Variants in LRRFIP1 observed in about 807,000 individuals in gnomAD.
LRRFIP1 encodes LRR binding FLII interacting protein 1.
In LRRFIP1, 62 loss-of-function variants were observed where a neutral mutation model predicts 104.4. That is an observed-to-expected ratio of 0.59 (90% CI 0.48 to 0.73). The LOEUF is 0.73. LRRFIP1 is among the 30% of genes least tolerant of loss of function. The pLI is 0.00. For missense variants in LRRFIP1, 796 were observed against 824.5 expected (o/e 0.97, Z 0.42); for synonymous variants, 300 against 299.0 (o/e 1.00, Z -0.03).
At chr2:237,701,903 A>T (rs1371678572) in intron 1 of LRRFIP1, among the ~76,000 whole-genome samples, 1 of 152,158 alleles carries the variant, frequency 6.6e-6, no homozygotes, top group Non-Finnish European at 1.5e-5. Context: ...GGCTCCCGAG[A>T]TGTCACGCAT....
At chr2:237,707,159 G>C (rs1027614694) in intron 1 of LRRFIP1, among the ~76,000 whole-genome samples, 2 of 152,064 alleles carry the variant, frequency 1.3e-5, no homozygotes, top group African/African-American at 4.8e-5. Flanking sequence ...GATTAAAACT[G>C]AGAAAGAAGG....
chr2:237,735,413 G>C lies in LRRFIP1; in HGVS notation c.555+80G>C, dbSNP rs1035700517. The C allele has an allele frequency of 1.5e-6, 2 of 1,354,616 alleles. No individual in the cohort carries two copies. Among genetic ancestry groups the C allele is most frequent in the South Asian group, 1.3e-5 (1 of 74,926 alleles). 83.9% of individuals were successfully genotyped at this position (1,354,616 alleles called of 1,614,324 possible). A position where few individuals can be genotyped will look rare whatever the true frequency, so the allele number is the denominator to read the frequency against. ...GATGCTCGCTGGGCAGGGTCCAGCC[G>C]TGGGGGGTGACTGGCCATTCTCAGG... On this transcript the variant is annotated intron_variant, in intron 10 of 23. Transcript: ENST00000308482. This position sits in a 1 kb window ranked among gnomAD's most constrained non-coding sequence, Gnocchi z 4.6.
intron 1 of LRRFIP1, among the ~76,000 whole-genome samples, chr2:237,694,121 G>A (rs1042244975): frequency 6.6e-6 from 1 of 152,150 alleles, no homozygotes; most frequent in Admixed American, 6.5e-5. Context: ...GTCCAATGGG[G>A]GGCTAGTTTT....
intron 2 of LRRFIP1, among the ~76,000 whole-genome samples, chr2:237,709,046 A>G (rs1334400672): frequency 2.6e-5 from 4 of 152,184 alleles, no homozygotes; most frequent in Non-Finnish European, 5.9e-5. Flanking sequence ...CGTGGTTTGT[A>G]CAGTGTTGAT....
chr2:237,666,940 CTTTCTT>C (rs1434362687), intron 1 of LRRFIP1, among the ~76,000 whole-genome samples: 15 of 104,440 alleles, frequency 1.4e-4, no homozygotes, highest in Admixed American at 4.0e-4. Context: ...TTCTTTCTTT[CTTTCTT>C]TTTCTTTCTT....
intron 1 of LRRFIP1, among the ~76,000 whole-genome samples, chr2:237,700,184 A>C (rs1390792529): frequency 3.9e-5 from 6 of 152,186 alleles, no homozygotes; most frequent in Non-Finnish European, 8.8e-5. Context: ...TTTGCAGAGA[A>C]AACAAAAGTT....
intron 1 of LRRFIP1, among the ~76,000 whole-genome samples, chr2:237,679,075 T>C (rs1365550611): frequency 1.3e-5 from 2 of 152,180 alleles, no homozygotes; most frequent in African/African-American, 4.8e-5. Flanking sequence ...CAGTAGACAA[T>C]TGTACTCCAG....
chr2:237,660,422 A>G (rs2087674155), intron 1 of LRRFIP1, among the ~76,000 whole-genome samples: 1 of 152,132 alleles, frequency 6.6e-6, no homozygotes, highest in African/African-American at 2.4e-5. Context: ...CACAGCAGCT[A>G]TCTCCACAGA....
chr2:237,750,326 CTTTTTTTTTTT>C (rs928510240), intron 13 of LRRFIP1, among the ~76,000 whole-genome samples: 1 of 60,704 alleles, frequency 1.6e-5, no homozygotes, highest in Admixed American at 2.1e-4. Context: ...TTCTTTCTTT[CTTTTTTTTTTT>C]TTTTTTTTTT....
At chr2:237,713,180 C>A (rs2094182168) in intron 2 of LRRFIP1, among the ~76,000 whole-genome samples, 1 of 152,016 alleles carries the variant, frequency 6.6e-6, no homozygotes, top group Admixed American at 6.6e-5. Context: ...ACACCAGTGT[C>A]GGGGGCAGCC....
At chr2:237,685,383 A>G (rs2092288697) in intron 1 of LRRFIP1, among the ~76,000 whole-genome samples, 1 of 152,214 alleles carries the variant, frequency 6.6e-6, no homozygotes, top group Admixed American at 6.5e-5. Flanking sequence ...CTCAGAGTGT[A>G]TCACAAAACA....
chr2:237,685,107 CT>C (rs58214976), intron 1 of LRRFIP1, among the ~76,000 whole-genome samples: 110,608 of 145,226 alleles, frequency 0.76, 41,829 homozygotes, highest in East Asian at 0.85. Context: ...TCTCCCTACC[CT>C]CCCCCCCCCA....
At chr2:237,686,086 T>C (rs2092346233) in intron 1 of LRRFIP1, among the ~76,000 whole-genome samples, 1 of 152,204 alleles carries the variant, frequency 6.6e-6, no homozygotes, top group African/African-American at 2.4e-5. Context: ...CATGTAAGTG[T>C]CTCAAGGTTC....
intron 23 of LRRFIP1, 170 bp from the exon 24 acceptor site, chr2:237,779,252 G>GT (rs1254091978): frequency 5.9e-6 from 4 of 678,964 alleles, no homozygotes; most frequent in Non-Finnish European, 7.3e-6. Flanking sequence ...CCCCAAGGGT[G>GT]TTCCCTCTCT....
chr2:237,666,939 T>C (rs986618719), intron 1 of LRRFIP1, among the ~76,000 whole-genome samples: 1 of 150,142 alleles, frequency 6.7e-6, no homozygotes, highest in East Asian at 1.9e-4. Context: ...TTTCTTTCTT[T>C]CTTTCTTTTT....
At chr2:237,654,965 G>A (rs182852718) in intron 1 of LRRFIP1, among the ~76,000 whole-genome samples, 107 of 151,902 alleles carry the variant, frequency 7.0e-4, no homozygotes, top group African/African-American at 2.4e-3. Flanking sequence ...ATGTGGTATC[G>A]AGACACAATG....
At position 237,652,165 on chromosome 2, in the gene LRRFIP1, AAG is replaced by A. The variant is rs575273408; in HGVS notation, c.96+24426_96+24427del. Among the ~76,000 whole-genome samples, 453 of 152,342 alleles carry A rather than the reference AAG, an allele frequency of 3.0e-3. 4 individuals are homozygous for A. Among genetic ancestry groups the A allele is most frequent in the African/African-American group, 0.011 (444 of 41,570 alleles). On this transcript the variant is annotated intron_variant, in intron 1 of 23. Coordinates refer to ENST00000308482, the MANE Select transcript of LRRFIP1 (RefSeq NM_001137550.2). The stretch of plus-strand genomic sequence containing the variant: ...TCTCTGGATGGAGAAGACTGGAGAG[AAG>A]TCAGGGAATTAAAAGCCCCAACTTG...
intron 1 of LRRFIP1, among the ~76,000 whole-genome samples, chr2:237,666,388 C>G (rs1192633573): frequency 6.6e-6 from 1 of 152,258 alleles, no homozygotes; most frequent in Admixed American, 6.5e-5. Context: ...TTGAACAAAA[C>G]ATGTATAACT....
intron 1 of LRRFIP1, among the ~76,000 whole-genome samples, chr2:237,699,842 G>A (rs2093416400): frequency 6.8e-6 from 1 of 147,614 alleles, no homozygotes; most frequent in Non-Finnish European, 1.5e-5. Context: ...CAACACTTCC[G>A]CCACTGCCAG....
Sources: gnomAD v4.1 joint callset for allele counts (sites outside exome capture counted in the v4.1 genomes callset) on GRCh38, gnomAD v4.1.1 for gene constraint, Gnocchi (gnomAD v3.1) non-coding constraint, MANE v1.5 for transcripts, NCBI Gene and HGNC (gene_info 2026-07-23, HGNC 2026-07-21) for gene names.